The following ZBBX variants were observed in gnomAD, a reference collection of about 807,000 sequenced individuals.
The protein encoded by ZBBX is zinc finger B-box domain-containing protein 1.
Under a neutral mutation model 108.5 loss-of-function variants are expected in ZBBX, and 101 were observed. That is an observed-to-expected ratio of 0.93 (90% CI 0.79 to 1.10). The LOEUF is 1.10. ZBBX is among the 50% of genes least tolerant of loss of function. The pLI is 0.00. For missense variants in ZBBX, 1,009 were observed against 941.4 expected (o/e 1.07, Z -0.94); for synonymous variants, 356 against 323.4 (o/e 1.10, Z -1.08).
In ZBBX at chr3:167,262,052, C is replaced by T. The variant is rs575401735; in HGVS notation, c.2255-19409G>A. ...CTTCTTCCTCTACCCCTGTATTTTG[C>T]TCGGCTCTCCAAATTAACTCAGCTC... On this transcript the variant is annotated intron_variant, in intron 20 of 21. Transcript: ENST00000675490. Among the ~76,000 whole-genome samples, 67 of 152,330 alleles carry T rather than the reference C, an allele frequency of 4.4e-4. 2 individuals are homozygous for T. Among genetic ancestry groups the T allele is most frequent in the African/African-American group, 1.5e-3 (64 of 41,580 alleles).
chr3:167,299,765 T>C (rs919389563), intron 17 of ZBBX, among the ~76,000 whole-genome samples: 1 of 152,174 alleles, frequency 6.6e-6, no homozygotes, highest in African/African-American at 2.4e-5. Context: ...AAGTCATTTC[T>C]TCTGATGGAA....
At position 167,254,433 on chromosome 3, in the gene ZBBX, A is replaced by G. The variant is rs1255717355; in HGVS notation, c.2255-11790T>C. On this transcript the variant is annotated intron_variant, in intron 20 of 21. Transcript: ENST00000675490. ...AAATAGAAAACTACCAAAAAATGTC[A>G]AAGAAAAAGTTACAACATCTTTAGA... Among the ~76,000 whole-genome samples the G allele has an allele frequency of 2.0e-5, 3 of 152,182 alleles. No individual in the cohort carries two copies. The East Asian group carries it at 5.8e-4, about 29-fold the overall frequency.
chr3:167,180,046 G>C, the ZBBX span, among the ~76,000 whole-genome samples: 1 of 152,006 alleles, frequency 6.6e-6, no homozygotes, highest in Non-Finnish European at 1.5e-5. Context: ...CAAATAAGAA[G>C]TCAAAGTCTG....
rs571238414 is a variant in ZBBX, at chr3:167,345,532, G to T, written c.528+4888C>A. On this transcript the variant is annotated intron_variant, in intron 9 of 21. Coordinates refer to ENST00000675490, the MANE Select transcript of ZBBX (RefSeq NM_001199201.2). ...TTTTTTCAAAATATTTACATACCTG[G>T]ACTCTAAAATCATGTGACTTTATGA... 7.8e-4 allele frequency among the ~76,000 whole-genome samples: 118 copies of T among 151,490 alleles called. 3 individuals are homozygous for T. In the South Asian group the frequency reaches 0.024, roughly 31 times the overall value.
rs557030741 is a variant in ZBBX, at chr3:167,396,829, G to A, written c.-446+10897C>T. 2.4e-3 allele frequency among the ~76,000 whole-genome samples: 365 copies of A among 151,798 alleles called. 3 individuals are homozygous for A. The highest frequency in any genetic ancestry group is 4.4e-3 in the Non-Finnish European group (300 of 67,890). The stretch of plus-strand genomic sequence containing the variant: ...CAGAGATAGGGAAAAATTACTTCAG[G>A]AATATTTTATTTAAGTCCTGTGAAA... On this transcript the variant is annotated intron_variant, in intron 1 of 21. Transcript: ENST00000455345.
intron 3 of ZBBX, 52 bp downstream of exon 3, chr3:167,373,654 G>C (rs1045689354): frequency 2.6e-5 from 4 of 152,078 alleles, no homozygotes; most frequent in African/African-American, 9.7e-5. Context: ...AAGTAAGCTA[G>C]ATAACAGAAA....
At chr3:167,288,816 TA>T in intron 19 of ZBBX, 50 bp downstream of exon 19, 1 of 1,308,840 alleles carries the variant, frequency 7.6e-7, no homozygotes, top group Non-Finnish European at 1.0e-6. Context: ...AGCAAACTAC[TA>T]AAGGAAGTAA....
rs2108229855 is a variant in ZBBX, at chr3:167,305,804, A to T, written c.1564T>A (p.Ser522Thr). ...TCCTTGCTTTCAAGTGATACACAGG[A>T]ATCATCAGACTTTTGATTACTTTCT... ...GLESNQKSDDSCVSLESKDTL... is the reference protein window; with the variant it reads ...GLESNQKSDDTCVSLESKDTL... The change falls in exon 17 of 22, where the codon TCC becomes ACC. Residue 522 changes from serine to threonine, a missense_variant. Physicochemically the swap from Ser to Thr is moderately conservative, Grantham distance 58 (BLOSUM62 1). Coordinates refer to ENST00000675490, the MANE Select transcript of ZBBX (RefSeq NM_001199201.2). 1 of 1,612,838 alleles carries T rather than the reference A, an allele frequency of 6.2e-7. No individual in the cohort carries two copies. Among genetic ancestry groups the T allele is most frequent in the Non-Finnish European group, 8.5e-7 (1 of 1,179,394 alleles).
chr3:167,182,643 G>T, the ZBBX span, among the ~76,000 whole-genome samples: 1 of 152,142 alleles, frequency 6.6e-6, no homozygotes, highest in African/African-American at 2.4e-5. Context: ...GGTTGGGCCT[G>T]GGCATTGCAA....
At chr3:167,245,640 TAGAG>T (rs1336567821) in intron 20 of ZBBX, among the ~76,000 whole-genome samples, 1 of 152,064 alleles carries the variant, frequency 6.6e-6, no homozygotes, top group East Asian at 1.9e-4. Flanking sequence ...GTTCTCATGA[TAGAG>T]AGTTCTCATG....
intron 1 of ZBBX, among the ~76,000 whole-genome samples, chr3:167,404,681 C>T (rs577434175): frequency 1.3e-5 from 2 of 152,186 alleles, no homozygotes; most frequent in Non-Finnish European, 2.9e-5. Flanking sequence ...GTTCTATAGA[C>T]ACCTGGCTTG....
intron 18 of ZBBX, among the ~76,000 whole-genome samples, chr3:167,291,383 G>T (rs969276834): frequency 6.6e-6 from 1 of 151,992 alleles, no homozygotes. Flanking sequence ...ACAAGCAGAA[G>T]AGAGTGGGGA....
At chr3:167,330,304 A>G (rs767384134) in intron 10 of ZBBX, among the ~76,000 whole-genome samples, 1 of 152,250 alleles carries the variant, frequency 6.6e-6, no homozygotes, top group Non-Finnish European at 1.5e-5. Context: ...CTCCTAGAAG[A>G]GAATGAAATG....
intron 8 of ZBBX, among the ~76,000 whole-genome samples, chr3:167,355,475 A>G (rs1176038191): frequency 6.6e-6 from 1 of 151,900 alleles, no homozygotes; most frequent in East Asian, 1.9e-4. Flanking sequence ...CTCCCAAAAC[A>G]CAAGCCCTTA....
At chr3:167,306,923 G>C (rs368604888) in intron 16 of ZBBX, among the ~76,000 whole-genome samples, 1 of 152,102 alleles carries the variant, frequency 6.6e-6, no homozygotes, top group East Asian at 1.9e-4. Context: ...ATGCTTTACA[G>C]CTTTACAAAG....
At chr3:167,361,093 T>C (rs1006750553) in intron 6 of ZBBX, among the ~76,000 whole-genome samples, 2 of 152,120 alleles carry the variant, frequency 1.3e-5, no homozygotes, top group East Asian at 3.8e-4. Flanking sequence ...AGTCTAATAT[T>C]TGTGTAAGCT....
chr3:167,402,421 C>A (rs1748454055), intron 1 of ZBBX, among the ~76,000 whole-genome samples: 1 of 152,132 alleles, frequency 6.6e-6, no homozygotes. Flanking sequence ...GAAATCTGAA[C>A]AATCAACTCC....
chr3:167,360,602 A>C (rs1744349458), intron 7 of ZBBX, 73 bp downstream of exon 7: 1 of 907,920 alleles, frequency 1.1e-6, no homozygotes, highest in African/African-American at 1.7e-5. Flanking sequence ...TAAAACTTTA[A>C]CTTTATTTGT....
the ZBBX span, among the ~76,000 whole-genome samples, chr3:167,204,251 T>A: frequency 6.7e-6 from 1 of 150,002 alleles, no homozygotes; most frequent in African/African-American, 2.4e-5. Flanking sequence ...TTCTTTTTTT[T>A]TTATTATACT....
Sources: gnomAD v4.1 joint callset for allele counts (sites outside exome capture counted in the v4.1 genomes callset) on GRCh38, gnomAD v4.1.1 for gene constraint, MANE v1.5 for transcripts, NCBI Gene and HGNC (gene_info 2026-07-23, HGNC 2026-07-21) for gene names.